SDK1: variants seen among roughly 807,000 people sequenced by gnomAD.
SDK1 encodes the protein sidekick cell adhesion molecule 1, also known as protein sidekick-1.
SDK1 carries 157 observed loss-of-function variants against 245.5 expected under a neutral mutation model. That is an observed-to-expected ratio of 0.64 (90% CI 0.56 to 0.73). The LOEUF is 0.73. Among genes scored for constraint, SDK1 ranks in the 30% least tolerant of loss-of-function variants. SDK1 has a pLI of 0.00. For synonymous variants in SDK1, 1,647 were observed against 1,278.5 expected (o/e 1.29, Z -6.15); for missense variants, 3,583 against 3,002.3 (o/e 1.19, Z -4.52).
intron 4 of SDK1, among the ~76,000 whole-genome samples, chr7:3,652,427 C>T (rs1282816225): frequency 6.6e-6 from 1 of 152,228 alleles, no homozygotes; most frequent in African/African-American, 2.4e-5. Flanking sequence ...TTCATGGTGG[C>T]ATGCGGTGGC....
At chr7:4,043,399 G>C (rs142915413) in intron 17 of SDK1, among the ~76,000 whole-genome samples, 3 of 151,874 alleles carry the variant, frequency 2.0e-5, no homozygotes, top group African/African-American at 7.3e-5. Flanking sequence ...CTCAGGCAGA[G>C]TGAGTGTCAC....
intron 25 of SDK1, among the ~76,000 whole-genome samples, chr7:4,116,678 T>C (rs1351661747): frequency 1.3e-5 from 2 of 152,242 alleles, no homozygotes; most frequent in East Asian, 3.8e-4. Context: ...TATTTCTTCC[T>C]ACTCTTCTCA....
intron 19 of SDK1, among the ~76,000 whole-genome samples, chr7:4,065,691 G>GTTGTTTT (rs1779839587): frequency 3.4e-5 from 1 of 29,470 alleles, no homozygotes; most frequent in Non-Finnish European, 6.2e-5. Flanking sequence ...ATGAGTGGTT[G>GTTGTTTT]TTGTTTTTTT....
intron 4 of SDK1, among the ~76,000 whole-genome samples, chr7:3,811,185 T>A (rs1309773327): frequency 1.3e-5 from 2 of 152,174 alleles, no homozygotes; most frequent in Non-Finnish European, 2.9e-5. Context: ...TCAGTGTCCT[T>A]TTGATGTCAG....
At chr7:3,484,492 A>T (rs1450582286) in intron 1 of SDK1, among the ~76,000 whole-genome samples, 1 of 152,142 alleles carries the variant, frequency 6.6e-6, no homozygotes, top group African/African-American at 2.4e-5. Flanking sequence ...GTTTGGTTGG[A>T]AAAATATCCT....
intron 7 of SDK1, chr7:3,957,946 C>A (rs920500964): frequency 2.1e-6 from 1 of 470,160 alleles, no homozygotes; most frequent in East Asian, 6.9e-5. Flanking sequence ...AGAAGTGAAA[C>A]ATCACTTTGC....
At chr7:4,178,433 A>G in intron 34 of SDK1, 52 bp from the exon 35 acceptor site, 1 of 1,349,850 alleles carries the variant, frequency 7.4e-7, no homozygotes, top group South Asian at 1.2e-5. Context: ...ACTTTGGAGA[A>G]AGAGAAGGTG....
chr7:3,678,580 A>C (rs1475332532), intron 4 of SDK1, among the ~76,000 whole-genome samples: 1 of 152,220 alleles, frequency 6.6e-6, no homozygotes, highest in Admixed American at 6.5e-5. Context: ...AGAATACGCA[A>C]ATTCATAAAG....
At chr7:3,565,916 A>G (rs1415684798) in intron 1 of SDK1, among the ~76,000 whole-genome samples, 1 of 152,226 alleles carries the variant, frequency 6.6e-6, no homozygotes, top group African/African-American at 2.4e-5. Context: ...GATGCAGAGG[A>G]TGAACTGTAC....
chr7:3,568,215 T>C (rs1484159236), intron 1 of SDK1, among the ~76,000 whole-genome samples: 1 of 152,260 alleles, frequency 6.6e-6, no homozygotes, highest in Non-Finnish European at 1.5e-5. Flanking sequence ...TGTAGTTTAA[T>C]ATGCATTTAA....
At chr7:3,925,874 G>T (rs1779749194) in intron 5 of SDK1, among the ~76,000 whole-genome samples, 1 of 152,136 alleles carries the variant, frequency 6.6e-6, no homozygotes. Flanking sequence ...TTGATGAAAC[G>T]GAAATTATCT....
At chr7:3,827,703 G>C (rs1583455234) in intron 5 of SDK1, among the ~76,000 whole-genome samples, 1 of 152,330 alleles carries the variant, frequency 6.6e-6, no homozygotes, top group Non-Finnish European at 1.5e-5. Context: ...GGCCATGTCA[G>C]TGGAATAAAG....
chr7:3,418,136 A>C (rs1418672630), intron 1 of SDK1, among the ~76,000 whole-genome samples: 1 of 101,418 alleles, frequency 9.9e-6, no homozygotes, highest in Admixed American at 1.1e-4. Context: ...CCCGATCTCT[A>C]CTAAAAATGA....
intron 1 of SDK1, among the ~76,000 whole-genome samples, chr7:3,480,157 G>A (rs919560893): frequency 5.9e-5 from 9 of 152,206 alleles, no homozygotes; most frequent in Non-Finnish European, 8.8e-5. Context: ...GGTGGGTCCA[G>A]TATAATCACA....
intron 1 of SDK1, among the ~76,000 whole-genome samples, chr7:3,433,324 A>G (rs189395215): frequency 3.7e-4 from 56 of 152,298 alleles, no homozygotes; most frequent in African/African-American, 1.2e-3. Context: ...GTGTTAGTTG[A>G]TATTTGGTTT....
At chr7:3,331,958 G>A (rs1000027971) in intron 1 of SDK1, among the ~76,000 whole-genome samples, 1 of 152,032 alleles carries the variant, frequency 6.6e-6, no homozygotes, top group South Asian at 2.1e-4. Context: ...TTACTTTACA[G>A]GTACTAAAAA....
chr7:3,603,762 G>A (rs958133097), intron 1 of SDK1, among the ~76,000 whole-genome samples: 3 of 152,106 alleles, frequency 2.0e-5, no homozygotes, highest in Non-Finnish European at 4.4e-5. Flanking sequence ...TCTTGTGCCC[G>A]TTTTTAAAGG....
rs79201522 is a variant in SDK1 at position 4,012,508 on chromosome 7, G to T, written c.2420+273G>T. Reference sequence around the variant, plus strand: ...GCATTTTGGCAGGAGAATGGAGGGGGTATTAGGGGTTGGAAGCAAGGTATA... The same window carrying T: ...GCATTTTGGCAGGAGAATGGAGGGGTTATTAGGGGTTGGAAGCAAGGTATA... On this transcript the variant is annotated intron_variant, in intron 16 of 44. Coordinates refer to ENST00000404826, the MANE Select transcript of SDK1 (RefSeq NM_152744.4). Among the ~76,000 whole-genome samples the T allele has an allele frequency of 8.9e-3, 1,206 of 135,672 alleles. 13 individuals are homozygous for T. The highest frequency in any genetic ancestry group is 0.03 in the African/African-American group (1,145 of 37,750). The allele number at this position is 135,672 out of a possible 152,430, so 89.0% of individuals were successfully genotyped here. A position where few individuals can be genotyped will look rare whatever the true frequency, so the allele number is the denominator to read the frequency against.
In SDK1 at chr7:4,208,284, C is replaced by T. The variant is rs776872199; in HGVS notation, c.5400C>T (p.Ala1800=). The T allele has an allele frequency of 1.4e-5, 22 of 1,611,866 alleles. No individual in the cohort carries two copies. Among genetic ancestry groups the T allele is most frequent in the Middle Eastern group, 1.8e-4 (1 of 5,502 alleles). ...CCCAGCAGGGGCGCACCCACCAGGC[C>T]GGTAGGAGGAAGGCGGGTTTCCTTT... ...SDPQQGRTHQ[A]APGAPSFLAF... is the part of the protein sequence containing the mutation. The change falls in exon 37 of 45, where the codon GCC becomes GCT. Residue 1800 remains alanine, a splice_region_variant and synonymous_variant. Transcript: ENST00000404826.
Sources: allele counts gnomAD v4.1 joint callset (sites outside exome capture counted in the v4.1 genomes callset), GRCh38; gene constraint gnomAD v4.1.1; transcripts MANE v1.5; gene names NCBI Gene and HGNC (gene_info 2026-07-23, HGNC 2026-07-21).